NINL: variants seen among roughly 807,000 people sequenced by gnomAD.
NINL encodes the protein ninein-like protein.
A neutral mutation model predicts 160.3 loss-of-function variants in NINL; 153 were observed. The observed-to-expected ratio is 0.95, with a 90% CI of 0.84 to 1.09. The LOEUF is 1.09. NINL is among the 50% of genes least tolerant of loss of function. The probability of loss-of-function intolerance (pLI) is 0.00; values close to 1 mark genes in which losing one functional copy is unlikely to be tolerated. For synonymous variants in NINL, 800 were observed against 734.8 expected, an observed-to-expected ratio of 1.09 and a Z score of -1.43; for missense variants, 1,829 against 1,764.0, an observed-to-expected ratio of 1.04 and a Z score of -0.66.
chr20:25,551,428 C>T (rs2064806584), intron 1 of NINL, among the ~76,000 whole-genome samples: 1 of 151,836 alleles, frequency 6.6e-6, no homozygotes, highest in Non-Finnish European at 1.5e-5. Flanking sequence ...TATGAACCTG[C>T]CCCTAACAGA....
At chr20:25,570,678 A>T (rs1600362330) in intron 1 of NINL, among the ~76,000 whole-genome samples, 1 of 139,044 alleles carries the variant, frequency 7.2e-6, no homozygotes. Context: ...AATGTCAGAG[A>T]TCCTGGGCAA....
At chr20:25,509,545 C>T (rs2064029339) in intron 5 of NINL, 1 of 408,704 alleles carries the variant, frequency 2.4e-6, no homozygotes, top group Non-Finnish European at 4.9e-6. Context: ...CCAAGCTGCT[C>T]TGAGAGGAGG....
chr20:25,512,430 G>A (rs1242475454), intron 4 of NINL, among the ~76,000 whole-genome samples: 2 of 152,204 alleles, frequency 1.3e-5, no homozygotes, highest in Non-Finnish European at 2.9e-5. Context: ...TCATGATAGT[G>A]AGTTCTCATG....
chr20:25,549,078 C>A (rs113351580), intron 1 of NINL, among the ~76,000 whole-genome samples: 10 of 126,016 alleles, frequency 7.9e-5, no homozygotes, highest in South Asian at 2.9e-4. Context: ...CCCACGGCCA[C>A]ACCTCCCACA....
intron 1 of NINL, among the ~76,000 whole-genome samples, chr20:25,545,536 G>A (rs1251228754): frequency 2.6e-5 from 4 of 151,936 alleles, no homozygotes; most frequent in Non-Finnish European, 5.9e-5. Context: ...AAGTTATCCT[G>A]AAGAACTAGT....
intron 1 of NINL, among the ~76,000 whole-genome samples, chr20:25,557,956 C>T (rs1334205766): frequency 2.1e-5 from 3 of 142,116 alleles, no homozygotes; most frequent in Admixed American, 7.5e-5. Context: ...TGGTGAAACC[C>T]CGTCTCTACT....
intron 14 of NINL, among the ~76,000 whole-genome samples, chr20:25,480,816 T>C (rs1383200397): frequency 6.6e-6 from 1 of 151,684 alleles, no homozygotes; most frequent in Non-Finnish European, 1.5e-5. Context: ...GGCAGGGAGG[T>C]GTGACAGCCA....
Position 25,526,473 on chromosome 20 carries a change from G to T in NINL, c.115C>A (p.Leu39Ile). 4 of 1,614,212 alleles carry T rather than the reference G, an allele frequency of 2.5e-6. No individual in the cohort carries two copies. Among genetic ancestry groups the T allele is most frequent in the Non-Finnish European group, 3.4e-6 (4 of 1,180,038 alleles). Residue 39 changes from leucine to isoleucine, a missense_variant, in exon 2 of 24, where the codon CTT (leucine) becomes ATT (isoleucine). By Grantham distance (5) the Leu-to-Ile change is conservative (BLOSUM62 2). Coordinates refer to ENST00000278886, the MANE Select transcript of NINL (RefSeq NM_025176.6). ...ACGGGCAGCTGCTGCTCCAGGTGAA[G>T]CTTAAGGCAGAGCTGGGTCAGCTCC... ...RQELTQLCLKLHLEQQLPVLL... is the reference protein window; with the variant it reads ...RQELTQLCLKIHLEQQLPVLL...
chr20:25,488,785 A>T (rs1460393803), intron 13 of NINL, among the ~76,000 whole-genome samples: 2 of 152,172 alleles, frequency 1.3e-5, no homozygotes, highest in South Asian at 2.1e-4. Context: ...TAATAAATTT[A>T]AAAAATTTCC....
At chr20:25,568,335 G>A (rs553384493) in intron 1 of NINL, among the ~76,000 whole-genome samples, 51 of 151,124 alleles carry the variant, frequency 3.4e-4, no homozygotes, top group Admixed American at 9.9e-4. Flanking sequence ...TTATTTAGGA[G>A]TACTAAATAA....
At chr20:25,548,210 G>C (rs114865897) in intron 1 of NINL, among the ~76,000 whole-genome samples, 2,517 of 152,242 alleles carry the variant, frequency 0.017, 72 homozygotes, top group African/African-American at 0.058. Context: ...CTGTGTGGCC[G>C]AGTCAAGCTG....
chr20:25,559,747 C>T (rs2064910835), intron 1 of NINL, among the ~76,000 whole-genome samples: 1 of 151,794 alleles, frequency 6.6e-6, no homozygotes, highest in South Asian at 2.1e-4. Flanking sequence ...ACAACAGGCA[C>T]ACACCACCAC....
Position 25,500,888 on chromosome 20 carries a change from C to A in NINL, c.984G>T (p.Leu328=). 6.2e-7 allele frequency: 1 copy of A among 1,614,208 alleles called. No homozygotes were observed. The highest frequency in any genetic ancestry group is 8.5e-7 in the Non-Finnish European group (1 of 1,180,042). Residue 328 remains leucine (L), a synonymous_variant, in exon 8 of 24, where the codon CTG becomes CTT. Transcript: ENST00000278886. The part of the protein sequence containing the change: ...GSGFAFPDQV[L]AMWTQEGIQN... ...GAATCCCCTCCTGGGTCCACATGGC[C>A]AGGACCTGATCAGGAAAAGCGAAGC... is the stretch of plus-strand genomic sequence containing the variant.
intron 1 of NINL, among the ~76,000 whole-genome samples, chr20:25,585,198 A>C (rs1317959204): frequency 1.3e-5 from 2 of 152,052 alleles, no homozygotes; most frequent in Non-Finnish European, 2.9e-5. Context: ...CCGTCGGGAA[A>C]CCGGGTTTTC....
chr20:25,539,170 G>T (rs1372505230), intron 1 of NINL, among the ~76,000 whole-genome samples: 1 of 152,230 alleles, frequency 6.6e-6, no homozygotes, highest in Non-Finnish European at 1.5e-5. Flanking sequence ...CATCAGCTGG[G>T]ACAGCAAAGA....
intron 1 of NINL, among the ~76,000 whole-genome samples, chr20:25,545,075 C>T (rs2064715803): frequency 6.6e-6 from 1 of 152,184 alleles, no homozygotes; most frequent in Non-Finnish European, 1.5e-5. Context: ...ATAGCTCCAT[C>T]TGTGGCTGTT....
At chr20:25,544,107 C>A (rs11699872) in intron 1 of NINL, among the ~76,000 whole-genome samples, 1 of 139,898 alleles carries the variant, frequency 7.1e-6, no homozygotes, top group African/African-American at 3.0e-5. Flanking sequence ...GTAAGAGAAA[C>A]CTTGTCCAGC....
intron 7 of NINL, among the ~76,000 whole-genome samples, chr20:25,501,637 A>G (rs375815516): frequency 1.8e-4 from 27 of 152,270 alleles, no homozygotes; most frequent in African/African-American, 5.5e-4. Flanking sequence ...CTGGCCTTAC[A>G]TGGCTGCCTG....
At chr20:25,465,864 G>A (rs1173227122) in intron 19 of NINL, among the ~76,000 whole-genome samples, 1 of 152,142 alleles carries the variant, frequency 6.6e-6, no homozygotes, top group Non-Finnish European at 1.5e-5. Flanking sequence ...CTGAAAAAAT[G>A]AGAATATGGT....
Sources: gnomAD v4.1 joint callset for allele counts (sites outside exome capture counted in the v4.1 genomes callset) on GRCh38, gnomAD v4.1.1 for gene constraint, MANE v1.5 for transcripts, NCBI Gene and HGNC (gene_info 2026-07-23, HGNC 2026-07-21) for gene names.